The following NR4A2 variants were observed in gnomAD, a reference collection of about 807,000 sequenced individuals.
NR4A2 encodes NGFI-B/nur77 beta-type transcription factor homolog.
In NR4A2, 1 loss-of-function variant was observed where a neutral mutation model predicts 50.5. The ratio of observed to expected loss-of-function variants is 0.02; its 90% CI spans 0.01 to 0.09. The LOEUF (loss-of-function observed/expected upper bound fraction) is 0.09, where lower values mean the gene tolerates loss of function less well. Among genes scored for constraint, NR4A2 ranks in the 10% least tolerant of loss-of-function variants. The probability of loss-of-function intolerance (pLI) is 1.00; values close to 1 mark genes in which losing one functional copy is unlikely to be tolerated. For synonymous variants in NR4A2, 328 were observed against 309.4 expected, an observed-to-expected ratio of 1.06 and a Z score of -0.63; for missense variants, 613 against 777.3, an observed-to-expected ratio of 0.79 and a Z score of 2.51.
At chr2:156,332,459 G>A (rs775889168) in intron 1 of NR4A2, 21 bp downstream of exon 1, 12 of 1,287,658 alleles carry the variant, frequency 9.3e-6, no homozygotes, top group Non-Finnish European at 1.2e-5. Context: ...AAGGCGAACT[G>A]CATGGGCTGC....
chr2:156,327,963 G>C lies in NR4A2; in HGVS notation c.1046C>G (p.Pro349Arg). 2 of 1,601,866 alleles carry C rather than the reference G, an allele frequency of 1.2e-6. No individual in the cohort carries two copies. Among genetic ancestry groups the C allele is most frequent in the Non-Finnish European group, 1.7e-6 (2 of 1,173,422 alleles). The part of the protein sequence containing the change: ...KGRRGRLPSK[P>R]KSPQEPSPPS... ...GGGAGAGGGCTCCTGTGGGCTCTTCGGTTTCGAGGGCAAACGACCTCTCCG... is the reference window on the plus strand; with the variant it reads ...GGGAGAGGGCTCCTGTGGGCTCTTCCGTTTCGAGGGCAAACGACCTCTCCG... The change falls in exon 5 of 8, where the codon CCG becomes CGG. Residue 349 changes from proline (P) to arginine (R), a missense_variant. This residue lies in a region of NR4A2 where 250 missense variants were observed against 311.3 expected (regional missense o/e 0.80). Transcript: ENST00000339562.
chr2:156,327,753 T>C, intron 5 of NR4A2, 98 bp downstream of exon 5: 5 of 1,466,740 alleles, frequency 3.4e-6, no homozygotes, highest in Non-Finnish European at 4.7e-6. Flanking sequence ...CTTGCCTTCT[T>C]TACCCCCGTT....
rs1686979913 is a variant in NR4A2 at position 156,332,548 on chromosome 2, G to T, written c.-195C>A. The T allele has an allele frequency of 7.8e-7, 1 of 1,286,528 alleles. No homozygotes were observed. The highest frequency in any genetic ancestry group is 1.0e-6 in the Non-Finnish European group (1 of 986,516). 79.7% of individuals were successfully genotyped at this position (1,286,528 alleles called of 1,614,324 possible). A position where few individuals can be genotyped will look rare whatever the true frequency, so the allele number is the denominator to read the frequency against. ...AAGTGCAGTTCCCTCTGGGAGCCCG[G>T]GCGCCGGGGTCGGGTAGGGGTGGGA... On this transcript the variant is annotated 5_prime_UTR_variant, in exon 1 of 8. Transcript: ENST00000339562.
At position 156,325,603 on chromosome 2, in the gene NR4A2, C is replaced by G. The variant is rs1019369932; in HGVS notation, c.*141G>C. 1 of 1,089,504 alleles carries G rather than the reference C, an allele frequency of 9.2e-7. No individual in the cohort carries two copies. Among genetic ancestry groups the G allele is most frequent in the Non-Finnish European group, 1.4e-6 (1 of 711,768 alleles). The allele number at this position is 1,089,504 out of a possible 1,614,324, so 67.5% of individuals were successfully genotyped here. ...TTGTTTGTTTGTTTTCTTTAGGGAT[C>G]AAGGGGGCTAGGAGGGTTACAGAAA... On this transcript the variant is annotated 3_prime_UTR_variant, in exon 8 of 8. Coordinates refer to ENST00000339562, the MANE Select transcript of NR4A2 (RefSeq NM_006186.4).
At position 156,326,849 on chromosome 2, in the gene NR4A2, C is replaced by G. The variant is rs139491338; in HGVS notation, c.1230G>C (p.Leu410=). 4 of 1,614,204 alleles carry G rather than the reference C, an allele frequency of 2.5e-6. No homozygotes were observed. In the South Asian group the frequency reaches 4.4e-5, roughly 18 times the overall value. The change falls in exon 6 of 8, where the codon CTG becomes CTC. Residue 410 remains leucine, a synonymous_variant. Transcript: ENST00000339562. The surrounding 1 kb of genome is among the most constrained non-coding windows in gnomAD (Gnocchi z 4.2). ...TQHIQQFYDL[L]TGSMEIIRGW... ...CCCGGATGATCTCCATGGAGCCAGT[C>G]AGGAGATCATAGAATTGCTGGATAT... is the stretch of plus-strand genomic sequence containing the variant.
Position 156,329,275 on chromosome 2 carries a change from G to A in NR4A2, c.864+48C>T, listed in dbSNP as rs1430094915. The A allele has an allele frequency of 1.1e-5, 18 of 1,584,616 alleles. No individual in the cohort carries two copies. Among genetic ancestry groups the A allele is most frequent in the Non-Finnish European group, 1.4e-5 (16 of 1,165,636 alleles). ...GCAGAGGGCACACTCCGAGGTCCCGGGCACTAGGGGCTCCCTACCTGCCTA... is the reference window on the plus strand; with the variant it reads ...GCAGAGGGCACACTCCGAGGTCCCGAGCACTAGGGGCTCCCTACCTGCCTA... On this transcript the variant is annotated intron_variant, in intron 3 of 7. Coordinates refer to ENST00000339562, the MANE Select transcript of NR4A2 (RefSeq NM_006186.4). This position sits in a 1 kb window ranked among gnomAD's most constrained non-coding sequence, Gnocchi z 7.5.
At position 156,326,424 on chromosome 2, in the gene NR4A2, G is replaced by A. The variant is rs1686645273; in HGVS notation, c.1362-96C>T. ...AGAGCAATAAATGAGGGATTTAAGA[G>A]TCACCTAATTACTGAAGAGTTAATA... is the stretch of plus-strand genomic sequence containing the variant. On this transcript the variant is annotated intron_variant, in intron 6 of 7. Transcript: ENST00000339562. This position sits in a 1 kb window ranked among gnomAD's most constrained non-coding sequence, Gnocchi z 4.2. 1.7e-6 allele frequency: 2 copies of A among 1,155,592 alleles called. No homozygotes were observed. Among genetic ancestry groups the A allele is most frequent in the South Asian group, 1.3e-5 (1 of 79,880 alleles). 71.6% of individuals were successfully genotyped at this position (1,155,592 alleles called of 1,614,324 possible).
Position 156,325,868 on chromosome 2 carries a change from T to C in NR4A2, c.1673A>G (p.Lys558Arg). 1.2e-6 allele frequency: 2 copies of C among 1,614,172 alleles called. No individual in the cohort carries two copies. The highest frequency in any genetic ancestry group is 1.7e-6 in the Non-Finnish European group (2 of 1,180,026). ...GCAAAGGGTACGAAGTTCTGGGAGC[T>C]TCCCCAACAGTTTGGACAAATAATT... ...RPNYLSKLLG[K>R]LPELRTLCTQ... The change falls in exon 8 of 8, where the codon AAG becomes AGG. Residue 558 changes from lysine (K) to arginine (R), a missense_variant. By Grantham distance (26) the Lys-to-Arg change is conservative. Transcript: ENST00000339562.
chr2:156,328,561 AT>A lies in NR4A2; in HGVS notation c.865-29del, dbSNP rs780777042. 4.3e-6 allele frequency: 7 copies of A among 1,613,550 alleles called. No homozygotes were observed. The highest frequency in any genetic ancestry group is 5.1e-6 in the Non-Finnish European group (6 of 1,179,846). On this transcript the variant is annotated intron_variant, in intron 3 of 7. Transcript: ENST00000339562. The surrounding 1 kb of genome is among the most constrained non-coding windows in gnomAD (Gnocchi z 4.9). ...GCAAAAGGAGACAATATAGACCAAC[AT>A]TTTTTTTCTTCTTTTGAAAATCAGG...
chr2:156,327,544 T>C (rs984512422), intron 5 of NR4A2, among the ~76,000 whole-genome samples: 1 of 151,584 alleles, frequency 6.6e-6, no homozygotes, highest in South Asian at 2.1e-4. Context: ...GATTTCATGG[T>C]AGAGGCACTG....
chr2:156,330,456 T>A (rs1053313948), intron 2 of NR4A2, among the ~76,000 whole-genome samples: 19 of 152,258 alleles, frequency 1.2e-4, no homozygotes, highest in African/African-American at 4.6e-4. Flanking sequence ...CCCCCACTCA[T>A]CCCACTCAGA....
Position 156,326,081 on chromosome 2 carries a change from A to T in NR4A2, c.1540+69T>A, listed in dbSNP as rs1686628828. 1 of 1,613,314 alleles carries T rather than the reference A, an allele frequency of 6.2e-7. No individual in the cohort carries two copies. Among genetic ancestry groups the T allele is most frequent in the African/African-American group, 1.3e-5 (1 of 74,934 alleles). On this transcript the variant is annotated intron_variant, in intron 7 of 7. Coordinates refer to ENST00000339562, the MANE Select transcript of NR4A2 (RefSeq NM_006186.4). This position sits in a 1 kb window ranked among gnomAD's most constrained non-coding sequence, Gnocchi z 4.2. ...GGCAAAACCAAGGAGAATCTGTGAC[A>T]AGGGAAACTCAGGACAAATCCTGCT...
rs201674398 is a variant in NR4A2 at position 156,326,376 on chromosome 2, A to G, written c.1362-48T>C. On this transcript the variant is annotated intron_variant, in intron 6 of 7. Transcript: ENST00000339562. The surrounding 1 kb of genome is among the most constrained non-coding windows in gnomAD (Gnocchi z 4.2). ...AGAGGGGAGAAAAAGAGAGAGAGAA[A>G]AGCTAAACAACTAATTACTTGAAGA... 2 of 1,523,210 alleles carry G rather than the reference A, an allele frequency of 1.3e-6. No individual in the cohort carries two copies. The highest frequency in any genetic ancestry group is 1.4e-5 in the African/African-American group (1 of 73,166). 94.4% of individuals were successfully genotyped at this position (1,523,210 alleles called of 1,614,324 possible).
chr2:156,325,340 GT>G lies in NR4A2; in HGVS notation c.*403del. ...GATGTGTCTCTGTGTGTGTGTGTGT[GT>G]GTGTATGTGTGTGTGTGTTACATTT... is the stretch of plus-strand genomic sequence containing the variant. On this transcript the variant is annotated 3_prime_UTR_variant, in exon 8 of 8. Coordinates refer to ENST00000339562, the MANE Select transcript of NR4A2 (RefSeq NM_006186.4). 1 of 288,040 alleles carries G rather than the reference GT, an allele frequency of 3.5e-6. No homozygotes were observed. Among genetic ancestry groups the G allele is most frequent in the Non-Finnish European group, 6.8e-6 (1 of 146,718 alleles). The allele number at this position is 288,040 out of a possible 1,614,324, so 17.8% of individuals were successfully genotyped here.
Position 156,328,344 on chromosome 2 carries a change from G to C in NR4A2, c.994+60C>G. On this transcript the variant is annotated intron_variant, in intron 4 of 7. Transcript: ENST00000339562. This position sits in a 1 kb window ranked among gnomAD's most constrained non-coding sequence, Gnocchi z 4.9. ...CCGGGAAGTGGAACGTGATGCTGGA[G>C]TATGAGCAGTGGTTTCCTAAAGGCG... 7 of 1,612,700 alleles carry C rather than the reference G, an allele frequency of 4.3e-6. No individual in the cohort carries two copies. The highest frequency in any genetic ancestry group is 5.9e-6 in the Non-Finnish European group (7 of 1,178,982).
In NR4A2 at chr2:156,330,640, TA is replaced by T; in HGVS notation, c.-3+27del. The T allele has an allele frequency of 2.3e-6, 3 of 1,309,624 alleles. No homozygotes were observed. In the African/African-American group the frequency reaches 4.5e-5, roughly 19 times the overall value. 81.1% of individuals were successfully genotyped at this position (1,309,624 alleles called of 1,614,324 possible). On this transcript the variant is annotated intron_variant, in intron 2 of 7. Coordinates refer to ENST00000339562, the MANE Select transcript of NR4A2 (RefSeq NM_006186.4). Reference sequence around the variant, plus strand: ...TTGATGTTTGGGGAGCTCTGGAGAGTAAAGGAAAGAAATGAAGTTGCACTAA... The same window carrying T: ...TTGATGTTTGGGGAGCTCTGGAGAGTAAGGAAAGAAATGAAGTTGCACTAA...
Position 156,329,656 on chromosome 2 carries a change from G to A in NR4A2, c.531C>T (p.Ser177=). 1 of 1,614,088 alleles carries A rather than the reference G, an allele frequency of 6.2e-7. No individual in the cohort carries two copies. Among genetic ancestry groups the A allele is most frequent in the Middle Eastern group, 1.6e-4 (1 of 6,062 alleles). ...KTPVSRLSLF[S]FKQSPPGTPV... is the part of the protein sequence containing the mutation. ...GGGTGCCAGGGGGCGATTGCTTAAA[G>A]GAGAAGAGGGAGAGGCGGGAGACTG... The change falls in exon 3 of 8, where the codon TCC becomes TCT. Residue 177 remains serine, a synonymous_variant. Transcript: ENST00000339562. The surrounding 1 kb of genome is among the most constrained non-coding windows in gnomAD (Gnocchi z 7.5).
Position 156,325,578 on chromosome 2 carries a change from T to C in NR4A2, c.*166A>G. ...GTTAGGAAATAGCAACAGTTTTTGT[T>C]TGTTTGTTTGTTTTCTTTAGGGATC... On this transcript the variant is annotated 3_prime_UTR_variant, in exon 8 of 8. Transcript: ENST00000339562. 1.1e-6 allele frequency: 1 copy of C among 910,422 alleles called. No individual in the cohort carries two copies. The highest frequency in any genetic ancestry group is 1.7e-6 in the Non-Finnish European group (1 of 580,926). 56.4% of individuals were successfully genotyped at this position (910,422 alleles called of 1,614,324 possible). A position where few individuals can be genotyped will look rare whatever the true frequency, so the allele number is the denominator to read the frequency against.
At position 156,326,112 on chromosome 2, in the gene NR4A2, G is replaced by T. The variant is rs184425724; in HGVS notation, c.1540+38C>A. 48 of 1,613,862 alleles carry T rather than the reference G, an allele frequency of 3.0e-5. No individual in the cohort carries two copies. In the East Asian group the frequency reaches 1.0e-3, roughly 34 times the overall value. On this transcript the variant is annotated intron_variant, in intron 7 of 7. Transcript: ENST00000339562. This position sits in a 1 kb window ranked among gnomAD's most constrained non-coding sequence, Gnocchi z 4.2. ...AACTCAGGACAAATCCTGCTAGGCA[G>T]TTCTGGAGGGGAAGCGCCCTGCGCC...
Sources: allele counts gnomAD v4.1 joint callset (sites outside exome capture counted in the v4.1 genomes callset), GRCh38; gene constraint gnomAD v4.1.1; regional missense constraint gnomAD v4.1.1; non-coding constraint Gnocchi (gnomAD v3.1); transcripts MANE v1.5; gene names NCBI Gene and HGNC (gene_info 2026-07-23, HGNC 2026-07-21).